The following NAV3 variants were observed in gnomAD, a reference collection of about 807,000 sequenced individuals.
The protein encoded by NAV3 is neuron navigator 3.
NAV3 carries 87 observed loss-of-function variants against 244.7 expected under a neutral mutation model. The observed-to-expected ratio is 0.36, with a 90% CI of 0.30 to 0.42. NAV3 has a LOEUF of 0.42. Among genes scored for constraint, NAV3 ranks in the 20% least tolerant of loss-of-function variants. The pLI is 1.00. For missense variants in NAV3, 2,663 were observed against 2,893.3 expected (o/e 0.92, Z 1.83); for synonymous variants, 1,126 against 1,042.2 (o/e 1.08, Z -1.55).
At chr12:77,603,586 A>G (rs1870536553) in intron 2 of NAV3, among the ~76,000 whole-genome samples, 1 of 152,076 alleles carries the variant, frequency 6.6e-6, no homozygotes, top group Non-Finnish European at 1.5e-5. Flanking sequence ...TTTGTGGAAT[A>G]ATGCACCTTG....
At chr12:77,583,142 TAAG>T (rs1331189220) in intron 2 of NAV3, among the ~76,000 whole-genome samples, 1 of 152,234 alleles carries the variant, frequency 6.6e-6, no homozygotes, top group African/African-American at 2.4e-5. Flanking sequence ...GGCTGCCTCT[TAAG>T]AATGTCACCA....
At chr12:77,635,200 C>A (rs1284664881) in intron 2 of NAV3, among the ~76,000 whole-genome samples, 2 of 151,886 alleles carry the variant, frequency 1.3e-5, no homozygotes, top group African/African-American at 4.8e-5. Flanking sequence ...TGCACTCCAC[C>A]CTTGGTGACA....
At chr12:77,946,941 T>C (rs1459471732) in intron 3 of NAV3, among the ~76,000 whole-genome samples, 1 of 152,102 alleles carries the variant, frequency 6.6e-6, no homozygotes, top group Non-Finnish European at 1.5e-5. Context: ...ACAAACCAAG[T>C]ATTAGGCTAT....
chr12:77,615,526 T>G (rs2136841083), intron 2 of NAV3, among the ~76,000 whole-genome samples: 1 of 152,294 alleles, frequency 6.6e-6, no homozygotes, highest in East Asian at 1.9e-4. Flanking sequence ...AGCTGCATCC[T>G]TGCTCCTGTA....
intron 2 of NAV3, among the ~76,000 whole-genome samples, chr12:77,603,873 A>ATGACGAAGTCCTCATACAAAAT (rs1250211841): frequency 1.3e-5 from 2 of 152,136 alleles, no homozygotes; most frequent in African/African-American, 4.8e-5. Flanking sequence ...GAGATATGTA[A>ATGACGAAGTCCTCATACAAAAT]TGACGAAGTC....
At position 77,641,502 on chromosome 12, in the gene NAV3, G is replaced by T. The variant is rs143540250; in HGVS notation, c.72+69236G>T. Among the ~76,000 whole-genome samples the T allele has an allele frequency of 9.1e-4, 139 of 152,150 alleles. 1 individual carries two copies. In the East Asian group the frequency reaches 0.02, roughly 22 times the overall value. On this transcript the variant is annotated intron_variant, in intron 2 of 8. Coordinates refer to the NAV3 transcript ENST00000550042. Reference sequence around the variant, plus strand: ...ATAATTGAAATAGTAGAAATAAAATGTATAAAAAATTATAATAAAAAGGAA... The same window carrying T: ...ATAATTGAAATAGTAGAAATAAAATTTATAAAAAATTATAATAAAAAGGAA...
chr12:77,780,372 C>T (rs188588799), intron 2 of NAV3, among the ~76,000 whole-genome samples: 1 of 152,246 alleles, frequency 6.6e-6, no homozygotes, highest in East Asian at 1.9e-4. Context: ...TATAAATCAA[C>T]TTCCCATTAT....
chr12:77,943,473 A>C (rs1890062472), intron 3 of NAV3, among the ~76,000 whole-genome samples: 1 of 152,200 alleles, frequency 6.6e-6, no homozygotes, highest in African/African-American at 2.4e-5. Context: ...TTGATTCAGA[A>C]AAATACATAT....
At position 77,646,458 on chromosome 12, in the gene NAV3, G is replaced by A. The variant is rs188417324; in HGVS notation, c.72+74192G>A. Among the ~76,000 whole-genome samples the A allele has an allele frequency of 2.0e-3, 311 of 152,212 alleles. 1 individual carries two copies. The highest frequency in any genetic ancestry group is 6.8e-3 in the African/African-American group (281 of 41,528). ...GTCCTGAAGCAGAGGTGAAGAAGGCGTTCTTCTCTCTCTCTTTCTTTCCCT... is the reference window on the plus strand; with the variant it reads ...GTCCTGAAGCAGAGGTGAAGAAGGCATTCTTCTCTCTCTCTTTCTTTCCCT... On this transcript the variant is annotated intron_variant, in intron 2 of 8. Transcript: ENST00000550042.
chr12:77,736,486 C>T (rs1466622522), intron 2 of NAV3, among the ~76,000 whole-genome samples: 1 of 152,126 alleles, frequency 6.6e-6, no homozygotes, highest in Non-Finnish European at 1.5e-5. Flanking sequence ...GTCTGGGATC[C>T]ACTGGCCCTT....
rs185760608 is a variant in NAV3 at position 77,720,730 on chromosome 12, C to T, written c.72+148464C>T. ...AAGCAACTATGGCCAGGGAGTACAA[C>T]ACGTTTTTCTGCCAGCTTTGATGCA... is the stretch of plus-strand genomic sequence containing the variant. On this transcript the variant is annotated intron_variant, in intron 2 of 8. Coordinates refer to the NAV3 transcript ENST00000550042. 2.6e-5 allele frequency among the ~76,000 whole-genome samples: 4 copies of T among 152,242 alleles called. No individual in the cohort carries two copies. In the East Asian group the frequency reaches 5.8e-4, roughly 22 times the overall value.
At position 78,179,299 on chromosome 12, in the gene NAV3, T is replaced by A. The variant is rs1454033748; in HGVS notation, c.5364-230T>A. 7.0e-6 allele frequency: 3 copies of A among 430,228 alleles called. No individual in the cohort carries two copies. The East Asian group carries it at 1.3e-4, about 18-fold the overall frequency. The allele number at this position is 430,228 out of a possible 1,614,324, so 26.7% of individuals were successfully genotyped here. ...ATATTCAGTAAGAGTAGACTATTTT[T>A]AAACTTTAAAAAATAGAAAAAAAGA... On this transcript the variant is annotated intron_variant, in intron 28 of 39. Coordinates refer to ENST00000397909, the MANE Select transcript of NAV3 (RefSeq NM_001024383.2).
intron 7 of NAV3, among the ~76,000 whole-genome samples, chr12:78,000,055 T>C (rs1461868500): frequency 6.6e-6 from 1 of 152,246 alleles, no homozygotes; most frequent in Non-Finnish European, 1.5e-5. Context: ...TTAATTTATC[T>C]GAATTTTTCT....
intron 12 of NAV3, among the ~76,000 whole-genome samples, chr12:78,112,600 C>T (rs1372745930): frequency 1.3e-5 from 2 of 152,120 alleles, no homozygotes; most frequent in Non-Finnish European, 2.9e-5. Context: ...CTCACTCTCA[C>T]AAGAACACAA....
At chr12:77,873,840 G>A (rs1445373809) in intron 1 of NAV3, among the ~76,000 whole-genome samples, 3 of 147,792 alleles carry the variant, frequency 2.0e-5, no homozygotes, top group Admixed American at 1.4e-4. Context: ...AGAACAATAT[G>A]TAAGAATGTG....
At chr12:78,092,260 T>C (rs573641677) in intron 12 of NAV3, among the ~76,000 whole-genome samples, 67 of 152,184 alleles carry the variant, frequency 4.4e-4, no homozygotes, top group Non-Finnish European at 7.6e-4. Context: ...AAACAAAGTA[T>C]AACAGGTTTA....
At position 78,119,328 on chromosome 12, in the gene NAV3, C is replaced by G. The variant is rs781627008; in HGVS notation, c.3132C>G (p.Ser1044Arg). 3 of 1,613,994 alleles carry G rather than the reference C, an allele frequency of 1.9e-6. No homozygotes were observed. The highest frequency in any genetic ancestry group is 2.5e-6 in the Non-Finnish European group (3 of 1,180,024). Residue 1044 changes from serine to arginine, a missense_variant, in exon 15 of 40, where the codon AGC becomes AGG. Transcript: ENST00000397909. ...LQRSPSDAGK[S>R]SGDEGKKPPS... is the part of the protein sequence containing the mutation. ...GATCTCCTTCAGATGCAGGAAAAAG[C>G]AGTGGAGATGAAGGGAAAAAGCCCC...
intron 2 of NAV3, among the ~76,000 whole-genome samples, chr12:77,647,457 T>C (rs563557195): frequency 6.6e-6 from 1 of 152,048 alleles, no homozygotes; most frequent in Non-Finnish European, 1.5e-5. Flanking sequence ...GCATGCTTTT[T>C]TTTTGTTTTG....
chr12:78,119,132 AGGGAAATAATATAAAGAAG>A, intron 14 of NAV3, 86 bp from the exon 15 acceptor site: 1 of 1,128,890 alleles, frequency 8.9e-7, no homozygotes, highest in Admixed American at 2.3e-5. Context: ...ACATTTAGGA[AGGGAAATAATATAAAGAAG>A]CATTCACATT....
Sources: allele counts gnomAD v4.1 joint callset (sites outside exome capture counted in the v4.1 genomes callset), GRCh38; gene constraint gnomAD v4.1.1; transcripts MANE v1.5; gene names NCBI Gene and HGNC (gene_info 2026-07-23, HGNC 2026-07-21).